CALN1: variants seen among roughly 807,000 people sequenced by gnomAD.
CALN1 encodes calneuron 1.
A neutral mutation model predicts 30.6 loss-of-function variants in CALN1; 17 were observed. That is an observed-to-expected ratio of 0.56 (90% CI 0.38 to 0.83). The LOEUF (loss-of-function observed/expected upper bound fraction) is 0.83. Among genes scored for constraint, CALN1 ranks in the 40% least tolerant of loss-of-function variants. CALN1 has a pLI of 0.00. For synonymous variants in CALN1, 156 were observed against 131.4 expected (o/e 1.19, Z -1.28); for missense variants, 291 against 354.9 (o/e 0.82, Z 1.45).
intron 2 of CALN1, among the ~76,000 whole-genome samples, chr7:72,362,492 G>T (rs541928328): frequency 1.3e-5 from 2 of 152,166 alleles, no homozygotes; most frequent in Admixed American, 1.3e-4. Flanking sequence ...ATCTGGTCTG[G>T]GTACCACGCT....
At chr7:72,457,631 G>A in the CALN1 span, among the ~76,000 whole-genome samples, 82 of 152,248 alleles carry the variant, frequency 5.4e-4, no homozygotes, top group Middle Eastern at 6.8e-3. Context: ...CCCAGAGAGA[G>A]AGAGGTACCT....
intron 6 of CALN1, among the ~76,000 whole-genome samples, chr7:71,797,720 T>C (rs975461809): frequency 6.6e-6 from 1 of 152,136 alleles, no homozygotes; most frequent in Non-Finnish European, 1.5e-5. Context: ...TAGCCAGGCA[T>C]TGTTTTTGTC....
rs1554345806 is a variant in CALN1 at position 72,271,575 on chromosome 7, A to ATATATATATATAT, written c.244+7110_244+7111insATATATATATATA. ...CTGTGCCTGCCTTTTAAAAAAAAAA[A>ATATATATATATAT]ATATATATATATATATATAGTTTTC... On this transcript the variant is annotated intron_variant, in intron 3 of 6. Coordinates refer to ENST00000395275, the MANE Select transcript of CALN1 (RefSeq NM_031468.4). 2.3e-3 allele frequency among the ~76,000 whole-genome samples: 120 copies of ATATATATATATAT among 52,116 alleles called. 3 individuals are homozygous for ATATATATATATAT. Among genetic ancestry groups the ATATATATATATAT allele is most frequent in the African/African-American group, 0.011 (79 of 7,438 alleles). The allele number at this position is 52,116 out of a possible 152,430, so 34.2% of individuals were successfully genotyped here.
At chr7:72,068,325 A>G (rs1426016322) in intron 4 of CALN1, among the ~76,000 whole-genome samples, 5 of 152,214 alleles carry the variant, frequency 3.3e-5, no homozygotes, top group East Asian at 1.9e-4. Context: ...GAAGGTTCTA[A>G]TATTTTCTTT....
intron 2 of CALN1, among the ~76,000 whole-genome samples, chr7:72,393,022 C>T (rs146314689): frequency 6.6e-6 from 1 of 151,898 alleles, no homozygotes; most frequent in African/African-American, 2.4e-5. Flanking sequence ...AATACAAACA[C>T]CAGGAGTGTG....
intron 3 of CALN1, among the ~76,000 whole-genome samples, chr7:72,231,286 A>C (rs1351243113): frequency 6.6e-6 from 1 of 151,740 alleles, no homozygotes; most frequent in Non-Finnish European, 1.5e-5. Context: ...CCCTCCCCCA[A>C]CGCCCCTGTC....
At chr7:71,882,349 G>C (rs1792623070) in intron 5 of CALN1, among the ~76,000 whole-genome samples, 1 of 152,112 alleles carries the variant, frequency 6.6e-6, no homozygotes, top group African/African-American at 2.4e-5. Flanking sequence ...GGGCCACTTT[G>C]GTAATCCAGA....
chr7:72,394,317 T>C (rs1805774777), intron 2 of CALN1, among the ~76,000 whole-genome samples: 1 of 152,166 alleles, frequency 6.6e-6, no homozygotes, highest in Non-Finnish European at 1.5e-5. Flanking sequence ...TGACAAAACC[T>C]AGCAAAAGAA....
chr7:72,102,305 C>T (rs867114501), intron 4 of CALN1, among the ~76,000 whole-genome samples: 10 of 151,872 alleles, frequency 6.6e-5, no homozygotes, highest in African/African-American at 1.7e-4. Flanking sequence ...ATTAGCCGGG[C>T]GTGGTGGCGC....
chr7:72,074,096 T>G lies in CALN1; in HGVS notation c.388+32055A>C, dbSNP rs1254097060. On this transcript the variant is annotated intron_variant, in intron 4 of 6. Transcript: ENST00000395275. ...TGTCAGGTCTCTGCCCTGAAGAAAC[T>G]AACCATCGTATAGCAGGTTAAAACA... 2.6e-5 allele frequency among the ~76,000 whole-genome samples: 4 copies of G among 152,178 alleles called. No individual in the cohort carries two copies. In the East Asian group the frequency reaches 7.7e-4, roughly 29 times the overall value.
At chr7:71,909,449 A>C (rs547546903) in intron 5 of CALN1, among the ~76,000 whole-genome samples, 1 of 152,340 alleles carries the variant, frequency 6.6e-6, no homozygotes, top group Admixed American at 6.5e-5. Context: ...GTTAAAAAAA[A>C]AAAGCAGACT....
chr7:72,107,627 T>C (rs1435498512), intron 3 of CALN1, among the ~76,000 whole-genome samples: 1 of 152,134 alleles, frequency 6.6e-6, no homozygotes, highest in Non-Finnish European at 1.5e-5. Flanking sequence ...AGTGTGAAGA[T>C]GAAAGGTTCG....
chr7:72,504,196 C>T, the CALN1 span, among the ~76,000 whole-genome samples: 1 of 152,150 alleles, frequency 6.6e-6, no homozygotes, highest in African/African-American at 2.4e-5. Flanking sequence ...TTGCTGTGCC[C>T]GGCTTCATAG....
intron 3 of CALN1, among the ~76,000 whole-genome samples, chr7:72,268,205 G>T (rs1001476030): frequency 6.6e-6 from 1 of 152,140 alleles, no homozygotes; most frequent in Non-Finnish European, 1.5e-5. Context: ...GAATGAATAG[G>T]TAGGGATTTC....
chr7:71,791,880 G>A (rs1176407544), intron 6 of CALN1, among the ~76,000 whole-genome samples: 18 of 152,244 alleles, frequency 1.2e-4, no homozygotes, highest in African/African-American at 2.9e-4. Context: ...GCGTGTTGGC[G>A]GGCGCCTGCA....
intron 4 of CALN1, among the ~76,000 whole-genome samples, chr7:72,078,800 G>C (rs1584896546): frequency 6.6e-6 from 1 of 152,200 alleles, no homozygotes. Flanking sequence ...GTTGGGCGTG[G>C]TGGCAGGCAC....
rs574021087 is a variant in CALN1 at position 72,344,314 on chromosome 7, G to A, written c.119+58937C>T. 3.8e-4 allele frequency among the ~76,000 whole-genome samples: 58 copies of A among 152,106 alleles called. No individual in the cohort carries two copies. The South Asian group carries it at 0.011, about 28-fold the overall frequency. On this transcript the variant is annotated intron_variant, in intron 2 of 6. Coordinates refer to ENST00000395275, the MANE Select transcript of CALN1 (RefSeq NM_031468.4). ...ATAAATTTTTGTTTTAAGAAACTTC[G>A]TTTGGGGATGAATTTTTGTTATGCA...
chr7:71,955,636 C>A (rs939010924), intron 5 of CALN1, among the ~76,000 whole-genome samples: 3 of 151,988 alleles, frequency 2.0e-5, no homozygotes, highest in Non-Finnish European at 4.4e-5. Context: ...GCATTGCCTT[C>A]CTTAGATTAA....
At chr7:72,466,609 G>C in the CALN1 span, among the ~76,000 whole-genome samples, 2 of 152,006 alleles carry the variant, frequency 1.3e-5, no homozygotes, top group Non-Finnish European at 2.9e-5. Context: ...CCGGAGTGGT[G>C]GTGGGCACTT....
Sources: gnomAD v4.1 joint callset for allele counts (sites outside exome capture counted in the v4.1 genomes callset) on GRCh38, gnomAD v4.1.1 for gene constraint, MANE v1.5 for transcripts, NCBI Gene and HGNC (gene_info 2026-07-23, HGNC 2026-07-21) for gene names.